Variants in HECW1 observed in about 807,000 individuals in gnomAD.
The protein encoded by HECW1 is E3 ubiquitin-protein ligase HECW1.
HECW1 carries 61 observed loss-of-function variants against 182.3 expected under a neutral mutation model. The ratio of observed to expected loss-of-function variants is 0.33; its 90% confidence interval spans 0.27 to 0.41. The LOEUF (loss-of-function observed/expected upper bound fraction) is 0.41. HECW1 is among the 10% of genes least tolerant of loss of function. The probability of loss-of-function intolerance (pLI) is 1.00; values close to 1 mark genes in which losing one functional copy is unlikely to be tolerated. For missense variants in HECW1, 1,739 were observed against 2,108.9 expected (o/e 0.82, Z 3.44); for synonymous variants, 859 against 832.6 (o/e 1.03, Z -0.55).
chr7:43,344,673 T>C (rs1052196497), intron 5 of HECW1, among the ~76,000 whole-genome samples: 2 of 152,290 alleles, frequency 1.3e-5, no homozygotes, highest in Admixed American at 1.3e-4. Flanking sequence ...TAGTATCCTG[T>C]GTGTTTCTTG....
At chr7:43,514,392 A>G (rs10274221) in intron 24 of HECW1, among the ~76,000 whole-genome samples, 41,092 of 150,886 alleles carry the variant, frequency 0.27, 5,617 homozygotes, top group South Asian at 0.35. Context: ...TGGTTCAAGC[A>G]AGTCTCCTGC....
At chr7:43,142,926 C>G (rs1444352777) in intron 2 of HECW1, among the ~76,000 whole-genome samples, 2 of 152,172 alleles carry the variant, frequency 1.3e-5, no homozygotes, top group African/African-American at 4.8e-5. Context: ...CAGGCTGGCT[C>G]AGAGTGGTGG....
At chr7:43,237,119 AAAG>A (rs1305220308) in intron 2 of HECW1, among the ~76,000 whole-genome samples, 4 of 148,522 alleles carry the variant, frequency 2.7e-5, no homozygotes, top group Middle Eastern at 3.5e-3. Flanking sequence ...AGAAAGAAAA[AAAG>A]AAGGAAGGAA....
chr7:43,530,258 C>T (rs1437845169), intron 24 of HECW1, among the ~76,000 whole-genome samples: 1 of 151,486 alleles, frequency 6.6e-6, no homozygotes, highest in Non-Finnish European at 1.5e-5. Context: ...ATGCCTGGCT[C>T]ATGCTTTACT....
At chr7:43,482,310 C>T (rs2078467676) in intron 17 of HECW1, among the ~76,000 whole-genome samples, 1 of 152,188 alleles carries the variant, frequency 6.6e-6, no homozygotes, top group Admixed American at 6.5e-5. Context: ...GATAAGGAGA[C>T]AGAGGGACTC....
chr7:43,334,929 T>TACCC (rs2152794685), intron 5 of HECW1, among the ~76,000 whole-genome samples: 1 of 152,354 alleles, frequency 6.6e-6, no homozygotes, highest in East Asian at 1.9e-4. Context: ...TTCTGTTCTT[T>TACCC]TCTTCATATT....
intron 6 of HECW1, among the ~76,000 whole-genome samples, chr7:43,380,181 T>A (rs2074487701): frequency 6.6e-6 from 1 of 152,036 alleles, no homozygotes; most frequent in Non-Finnish European, 1.5e-5. Context: ...GCCTCCTGAG[T>A]AGCTAGGACT....
At chr7:43,418,818 CAT>C (rs2152855409) in intron 8 of HECW1, among the ~76,000 whole-genome samples, 1 of 152,070 alleles carries the variant, frequency 6.6e-6, no homozygotes, top group Non-Finnish European at 1.5e-5. Context: ...GAAAATGGGT[CAT>C]GTTTTGTGTT....
chr7:43,519,659 G>A (rs2080352984), intron 24 of HECW1, among the ~76,000 whole-genome samples: 1 of 151,548 alleles, frequency 6.6e-6, no homozygotes, highest in African/African-American at 2.4e-5. Context: ...CCATCGGCAG[G>A]GGAATGGTTA....
chr7:43,466,880 A>G (rs2077802000), intron 15 of HECW1, among the ~76,000 whole-genome samples: 1 of 152,248 alleles, frequency 6.6e-6, no homozygotes, highest in African/African-American at 2.4e-5. Context: ...TGAATTGGCC[A>G]GATTCCCTTC....
intron 6 of HECW1, among the ~76,000 whole-genome samples, chr7:43,380,559 C>T (rs2074504575): frequency 1.3e-5 from 2 of 151,960 alleles, no homozygotes; most frequent in Non-Finnish European, 2.9e-5. Flanking sequence ...TGAAGTTTTG[C>T]TCTTGTTACC....
At chr7:43,498,815 C>CA (rs1008739658) in intron 19 of HECW1, among the ~76,000 whole-genome samples, 1 of 151,960 alleles carries the variant, frequency 6.6e-6, no homozygotes, top group African/African-American at 2.4e-5. Flanking sequence ...TGTAGAGGCT[C>CA]AAAATCTTCC....
chr7:43,488,508 A>AG (rs2078806661), intron 17 of HECW1, among the ~76,000 whole-genome samples: 1 of 146,318 alleles, frequency 6.8e-6, no homozygotes, highest in East Asian at 2.0e-4. Context: ...GAAAGAAAAG[A>AG]AAAGAAAGAA....
chr7:43,466,693 C>T, intron 15 of HECW1, 125 bp downstream of exon 15: 1 of 1,104,308 alleles, frequency 9.1e-7, no homozygotes, highest in Non-Finnish European at 1.3e-6. Flanking sequence ...ACAAAGAAAA[C>T]AGCTCAGTCC....
chr7:43,529,675 C>T (rs368106901), intron 24 of HECW1, among the ~76,000 whole-genome samples: 17 of 152,188 alleles, frequency 1.1e-4, no homozygotes, highest in African/African-American at 3.1e-4. Context: ...CCTTAACACC[C>T]TCGCTGGAGT....
At position 43,114,224 on chromosome 7, in the gene HECW1, A is replaced by T. The variant is rs760785379; in HGVS notation, c.-199A>T. ...GCATAGTTCAAAAATTGAGGGAGGC[A>T]TCTTCTCTCTTTTCCTGGGATTTAA... On this transcript the variant is annotated 5_prime_UTR_variant, in exon 2 of 30. Transcript: ENST00000395891. 2 of 1,360,542 alleles carry T rather than the reference A, an allele frequency of 1.5e-6. No homozygotes were observed. The highest frequency in any genetic ancestry group is 3.5e-5 in the East Asian group (1 of 28,878). 84.3% of individuals were successfully genotyped at this position (1,360,542 alleles called of 1,614,324 possible). A position where few individuals can be genotyped will look rare whatever the true frequency, so the allele number is the denominator to read the frequency against.
intron 13 of HECW1, among the ~76,000 whole-genome samples, chr7:43,462,354 A>T (rs1321433703): frequency 7.9e-5 from 12 of 151,456 alleles, no homozygotes; most frequent in Admixed American, 5.9e-4. Context: ...CTGGATGATC[A>T]ATCTCCATGT....
intron 2 of HECW1, among the ~76,000 whole-genome samples, chr7:43,121,563 AC>A (rs1785616677): frequency 1.3e-5 from 2 of 152,086 alleles, no homozygotes; most frequent in Non-Finnish European, 2.9e-5. Flanking sequence ...ATGTAAAATC[AC>A]TATATTATAC....
chr7:43,333,082 T>C lies in HECW1; in HGVS notation c.460+12340T>C, dbSNP rs183139933. Among the ~76,000 whole-genome samples the C allele has an allele frequency of 5.5e-3, 832 of 152,196 alleles. 3 individuals are homozygous for C. The highest frequency in any genetic ancestry group is 9.2e-3 in the Admixed American group (141 of 15,290). On this transcript the variant is annotated intron_variant, in intron 5 of 29. Coordinates refer to ENST00000395891, the MANE Select transcript of HECW1 (RefSeq NM_015052.5). ...GCAGAGGATTGGTGCAAAATTCTGGTCCCATAGAGAGCTCAGTACTGGCTT... is the reference window on the plus strand; with the variant it reads ...GCAGAGGATTGGTGCAAAATTCTGGCCCCATAGAGAGCTCAGTACTGGCTT...
Sources: allele counts gnomAD v4.1 joint callset (sites outside exome capture counted in the v4.1 genomes callset), GRCh38; gene constraint gnomAD v4.1.1; transcripts MANE v1.5; gene names NCBI Gene and HGNC (gene_info 2026-07-23, HGNC 2026-07-21).